VGF: variants seen among roughly 807,000 people sequenced by gnomAD.
VGF encodes the protein neurosecretory protein VGF.
VGF carries 13 observed loss-of-function variants against 41.1 expected under a neutral mutation model. That is an observed-to-expected ratio of 0.32 (90% CI 0.21 to 0.50). The LOEUF (loss-of-function observed/expected upper bound fraction) is 0.50, where lower values mean the gene tolerates loss of function less well. Ranked by LOEUF, VGF falls within the 20% of genes least tolerant of loss-of-function variation. VGF has a pLI of 0.98. For synonymous variants in VGF, 473 were observed against 418.3 expected, an observed-to-expected ratio of 1.13 and a Z score of -1.60; for missense variants, 920 against 882.1, an observed-to-expected ratio of 1.04 and a Z score of -0.54.
upstream of VGF, among the ~76,000 whole-genome samples, chr7:101,167,058 CTCTT>C (rs1018504538): frequency 2.0e-5 from 3 of 152,134 alleles, no homozygotes; most frequent in Admixed American, 1.3e-4. The surrounding 1 kb of genome is among the most constrained non-coding windows in gnomAD (Gnocchi z 4.2). Context: ...GTCTTAGAGA[CTCTT>C]TCAGAAACGG....
chr7:101,166,757 G>A (rs1213391603), upstream of VGF, among the ~76,000 whole-genome samples: 1 of 125,274 alleles, frequency 8.0e-6, no homozygotes, highest in Non-Finnish European at 1.7e-5. Flanking sequence ...GGTGAAGGGA[G>A]ACCAGCCGTG....
In VGF at chr7:101,164,463, C is replaced by A. The variant is rs1797181677; in HGVS notation, c.381G>T (p.Pro127=). 3.7e-6 allele frequency: 6 copies of A among 1,602,796 alleles called. No individual in the cohort carries two copies. The highest frequency in any genetic ancestry group is 4.2e-6 in the Non-Finnish European group (5 of 1,178,226). The change falls in exon 2 of 2, where the codon CCG becomes CCT. Residue 127 remains proline, a synonymous_variant. Coordinates refer to ENST00000249330, the MANE Select transcript of VGF (RefSeq NM_003378.4). ...CCGCGGGCTCCGGGCTCTCCGGCGC[C>A]GGGAGGCTGTGGGTCTGGCTGCGCA... is the stretch of plus-strand genomic sequence containing the variant. The part of the protein sequence containing the change: ...ETVRSQTHSL[P]APESPEPAAP...
chr7:101,163,531 CCCT>C lies in VGF; in HGVS notation c.1310_1312del (p.Glu437del), dbSNP rs1184144689. 18 of 1,607,320 alleles carry C rather than the reference CCCT, an allele frequency of 1.1e-5. No individual in the cohort carries two copies. Among genetic ancestry groups the C allele is most frequent in the Non-Finnish European group, 1.4e-5 (17 of 1,177,168 alleles). On this transcript the variant is annotated inframe_deletion, in exon 2 of 2. Transcript: ENST00000249330. This position sits in a 1 kb window ranked among gnomAD's most constrained non-coding sequence, Gnocchi z 5.0. ...CTCCTCGTCGTCCTCCTCCTCCCCG[CCCT>C]CCTCTGTCCCCTCGGCCTCCTTCCG...
Position 101,163,263 on chromosome 7 carries a change from G to C in VGF, c.1581C>G (p.Leu527=), listed in dbSNP as rs568963618. ...RDELPDWNEV[L]PPWDREEDEV... ...CGTCCTCCTCCCGATCCCAGGGCGG[G>C]AGCACCTCGTTCCAGTCCGGCAGCT... Residue 527 remains leucine, a synonymous_variant, in exon 2 of 2, where the codon CTC becomes CTG. Coordinates refer to ENST00000249330, the MANE Select transcript of VGF (RefSeq NM_003378.4). This position sits in a 1 kb window ranked among gnomAD's most constrained non-coding sequence, Gnocchi z 5.0. The C allele has an allele frequency of 5.3e-6, 8 of 1,507,314 alleles. No individual in the cohort carries two copies. The South Asian group carries it at 1.1e-4, about 20-fold the overall frequency. 93.4% of individuals were successfully genotyped at this position (1,507,314 alleles called of 1,614,324 possible).
rs1161227884 is a variant in VGF, at chr7:101,163,655, TCTCCGCCTC to T, written c.1180_1188del (p.Glu394_Glu396del). ...AACAGGAGCGCGTTCTGCCGCGCCC[TCTCCGCCTC>T]CTCCGCCTCTGCCTCCGCCTCGGCC... On this transcript the variant is annotated inframe_deletion, in exon 2 of 2. Transcript: ENST00000249330. This position sits in a 1 kb window ranked among gnomAD's most constrained non-coding sequence, Gnocchi z 5.0. The T allele has an allele frequency of 2.6e-6, 4 of 1,539,852 alleles. No homozygotes were observed. The highest frequency in any genetic ancestry group is 3.5e-6 in the Non-Finnish European group (4 of 1,147,534).
upstream of VGF, among the ~76,000 whole-genome samples, chr7:101,169,343 C>T (rs1216357492): frequency 6.6e-6 from 1 of 152,114 alleles, no homozygotes; most frequent in African/African-American, 2.4e-5. Flanking sequence ...CAGACACACA[C>T]ACACCATCAA....
chr7:101,166,505 G>C (rs1174612045), upstream of VGF, among the ~76,000 whole-genome samples: 2 of 124,084 alleles, frequency 1.6e-5, no homozygotes, highest in Non-Finnish European at 3.3e-5. Context: ...TGGGGAGGGG[G>C]TTGCGCAGGT....
rs1476512033 is a variant in VGF at position 101,162,667 on chromosome 7, A to G, written c.*329T>C. 2.3e-6 allele frequency: 1 copy of G among 440,810 alleles called. No homozygotes were observed. Among genetic ancestry groups the G allele is most frequent in the Non-Finnish European group, 4.4e-6 (1 of 226,948 alleles). 27.3% of individuals were successfully genotyped at this position (440,810 alleles called of 1,614,324 possible). On this transcript the variant is annotated 3_prime_UTR_variant, in exon 2 of 2. Transcript: ENST00000249330. This position sits in a 1 kb window ranked among gnomAD's most constrained non-coding sequence, Gnocchi z 4.2. Reference sequence around the variant, plus strand: ...AGGGCTGGAGACAGACACACTTCACACAATTAACTGGAACTGCTTTTTCCG... The same window carrying G: ...AGGGCTGGAGACAGACACACTTCACGCAATTAACTGGAACTGCTTTTTCCG...
At chr7:101,168,009 G>T (rs1446291083), upstream of VGF, among the ~76,000 whole-genome samples, 88 of 100,014 alleles carry the variant, frequency 8.8e-4, no homozygotes, top group Non-Finnish European at 1.3e-3. Flanking sequence ...GTGCTGGGTT[G>T]TTTTTTTTTG....
rs540842583 is a variant in VGF, at chr7:101,162,824, T to G, written c.*172A>C. Reference sequence around the variant, plus strand: ...GCGGGTGAGCTCTGGGAGTTCGGGCTCAGGACCCGGGAGGGGGGTCTGGCA... The same window carrying G: ...GCGGGTGAGCTCTGGGAGTTCGGGCGCAGGACCCGGGAGGGGGGTCTGGCA... On this transcript the variant is annotated 3_prime_UTR_variant, in exon 2 of 2. Transcript: ENST00000249330. The surrounding 1 kb of genome is among the most constrained non-coding windows in gnomAD (Gnocchi z 4.2). 1.2e-4 allele frequency: 78 copies of G among 662,418 alleles called. No individual in the cohort carries two copies. In the East Asian group the frequency reaches 2.4e-3, roughly 20 times the overall value. 41.0% of individuals were successfully genotyped at this position (662,418 alleles called of 1,614,324 possible). A position where few individuals can be genotyped will look rare whatever the true frequency, so the allele number is the denominator to read the frequency against.
chr7:101,165,743 T>G (rs1449074072), upstream of VGF: 1 of 802,658 alleles, frequency 1.2e-6, no homozygotes. Flanking sequence ...GCCTGCGCGC[T>G]GGGGCCTTCG....
At chr7:101,168,377 C>A (rs1375578385), upstream of VGF, among the ~76,000 whole-genome samples, 1 of 152,178 alleles carries the variant, frequency 6.6e-6, no homozygotes, top group East Asian at 1.9e-4. Flanking sequence ...CTCTCTCCAT[C>A]CCAGTTCCCT....
In VGF at chr7:101,163,063, T is replaced by G. The variant is rs1797136541; in HGVS notation, c.1781A>C (p.Glu594Ala). Residue 594 changes from glutamate to alanine, a missense_variant, in exon 2 of 2, where the codon GAG (glutamate) becomes GCG (alanine). By Grantham distance (107) the Glu-to-Ala change is moderately radical (BLOSUM62 -1). Around this residue, in one of 3 missense-constraint regions of VGF, gnomAD observed 257 missense variants for 217.2 expected, o/e 1.18. Coordinates refer to ENST00000249330, the MANE Select transcript of VGF (RefSeq NM_003378.4). The surrounding 1 kb of genome is among the most constrained non-coding windows in gnomAD (Gnocchi z 5.0). Reference protein sequence around the residue: ...RRAQEEAEAEERRLQEQEELE... With the variant: ...RRAQEEAEAEARRLQEQEELE... ...CTCCTCCTGCTCCTGCAGCCGGCGC[T>G]CCTCCGCCTCCGCCTCCTCCTGCGC... 1.3e-6 allele frequency: 2 copies of G among 1,571,662 alleles called. No homozygotes were observed. Among genetic ancestry groups the G allele is most frequent in the African/African-American group, 1.4e-5 (1 of 70,334 alleles).
At position 101,163,296 on chromosome 7, in the gene VGF, TGCGGGA is replaced by T. The variant is rs780241774; in HGVS notation, c.1542_1547del (p.Pro515_Ala516del). ...CGTTCCAGTCCGGCAGCTCGTCTCG[TGCGGGA>T]GCGGGGGCGGGGGGCGGGGGCTGCG... On this transcript the variant is annotated inframe_deletion, in exon 2 of 2. Coordinates refer to ENST00000249330, the MANE Select transcript of VGF (RefSeq NM_003378.4). This position sits in a 1 kb window ranked among gnomAD's most constrained non-coding sequence, Gnocchi z 5.0. 3.5e-5 allele frequency: 39 copies of T among 1,126,488 alleles called. No homozygotes were observed. In the African/African-American group the frequency reaches 8.2e-4, roughly 24 times the overall value. The allele number at this position is 1,126,488 out of a possible 1,614,324, so 69.8% of individuals were successfully genotyped here. A position where few individuals can be genotyped will look rare whatever the true frequency, so the allele number is the denominator to read the frequency against.
upstream of VGF, among the ~76,000 whole-genome samples, chr7:101,165,763 G>T (rs574308932): frequency 3.3e-3 from 500 of 152,348 alleles, 2 homozygotes; most frequent in African/African-American, 0.011. Flanking sequence ...GGCTGAAGGG[G>T]TGTGCGCTAG....
At chr7:101,168,982 A>C (rs1387524739), upstream of VGF, among the ~76,000 whole-genome samples, 1 of 152,056 alleles carries the variant, frequency 6.6e-6, no homozygotes, top group East Asian at 1.9e-4. Flanking sequence ...GGCCCCCTGA[A>C]AATTGCCCCA....
rs545909485 is a variant in VGF, at chr7:101,164,773, G to A, written c.71C>T (p.Pro24Leu). ...LLLINGLGAAPPGRPEAQPPP... is the reference protein window; with the variant it reads ...LLLINGLGAALPGRPEAQPPP... ...AGGCTGCGCCTCAGGGCGACCAGGG[G>A]GTGCTGCCCCTAACCCGTTGATCAG... Residue 24 changes from proline to leucine, a missense_variant, in exon 2 of 2, where the codon CCC (proline) becomes CTC (leucine). Transcript: ENST00000249330. 9.9e-6 allele frequency: 16 copies of A among 1,608,912 alleles called. No individual in the cohort carries two copies. In the East Asian group the frequency reaches 3.1e-4, roughly 31 times the overall value.
Position 101,162,960 on chromosome 7 carries a change from GGCGGGGGC to G in VGF, c.*28_*35del, listed in dbSNP as rs1797132987. The G allele has an allele frequency of 8.8e-7, 1 of 1,136,680 alleles. No individual in the cohort carries two copies. The highest frequency in any genetic ancestry group is 1.6e-5 in the African/African-American group (1 of 60,772). 70.4% of individuals were successfully genotyped at this position (1,136,680 alleles called of 1,614,324 possible). A position where few individuals can be genotyped will look rare whatever the true frequency, so the allele number is the denominator to read the frequency against. On this transcript the variant is annotated 3_prime_UTR_variant, in exon 2 of 2. Coordinates refer to ENST00000249330, the MANE Select transcript of VGF (RefSeq NM_003378.4). The surrounding 1 kb of genome is among the most constrained non-coding windows in gnomAD (Gnocchi z 4.2). The stretch of plus-strand genomic sequence containing the variant: ...GAGGGGGGCGCCGGCGCGCGCGCGC[GGCGGGGGC>G]GCGCGGGGGCGGGACCGGGAAGGGC...
upstream of VGF, chr7:101,165,646 T>A (rs1797206012): frequency 1.0e-6 from 1 of 985,178 alleles, no homozygotes; most frequent in Non-Finnish European, 1.2e-6. Flanking sequence ...CCCATTGACG[T>A]CAATGTTCAT....
Sources: gnomAD v4.1 joint callset for allele counts (sites outside exome capture counted in the v4.1 genomes callset) on GRCh38, gnomAD v4.1.1 for gene constraint, gnomAD v4.1.1 regional missense constraint, Gnocchi (gnomAD v3.1) non-coding constraint, MANE v1.5 for transcripts, NCBI Gene and HGNC (gene_info 2026-07-23, HGNC 2026-07-21) for gene names.